STAP1: variants seen among roughly 807,000 people sequenced by gnomAD.
STAP1 encodes the protein signal transducing adaptor family member 1.
In STAP1, 30 loss-of-function variants were observed where a neutral mutation model predicts 37.8. That is an observed-to-expected ratio of 0.79 (90% CI 0.59 to 1.08). STAP1 has a LOEUF of 1.08. Among genes scored for constraint, STAP1 ranks in the 50% least tolerant of loss-of-function variants. The pLI is 0.00. For synonymous variants in STAP1, 130 were observed against 116.0 expected (o/e 1.12, Z -0.78); for missense variants, 357 against 349.4 (o/e 1.02, Z -0.17).
In STAP1 at chr4:67,566,240, G is replaced by A. The variant is rs530383742; in HGVS notation, c.121-4844G>A. Among the ~76,000 whole-genome samples the A allele has an allele frequency of 6.6e-5, 10 of 152,106 alleles. No homozygotes were observed. In the South Asian group the frequency reaches 1.9e-3, roughly 28 times the overall value. On this transcript the variant is annotated intron_variant, in intron 1 of 8. Transcript: ENST00000265404. ...TGCGACGACAGGCATGAGCCACCGCGCCTGGCCCTCTTCCCTCTTTTTTAC... is the reference window on the plus strand; with the variant it reads ...TGCGACGACAGGCATGAGCCACCGCACCTGGCCCTCTTCCCTCTTTTTTAC...
rs1727855942 is a variant in STAP1, at chr4:67,581,442, T to C, written c.501T>C (p.Asp167=). 6.2e-7 allele frequency: 1 copy of C among 1,613,594 alleles called. No individual in the cohort carries two copies. The highest frequency in any genetic ancestry group is 8.5e-7 in the Non-Finnish European group (1 of 1,179,786). Reference sequence around the variant, plus strand: ...AAAAAGAGAAGGAACCAACTGAAGATTATGTGGATGTACTGAACCCTATGC... The same window carrying C: ...AAAAAGAGAAGGAACCAACTGAAGACTATGTGGATGTACTGAACCCTATGC... ...SVEKEKEPTE[D]YVDVLNPMPA... Residue 167 remains aspartate, a synonymous_variant, in exon 5 of 9, where the codon GAT becomes GAC. Coordinates refer to ENST00000265404, the MANE Select transcript of STAP1 (RefSeq NM_012108.4).
intron 5 of STAP1, among the ~76,000 whole-genome samples, chr4:67,581,772 A>G (rs1727866589): frequency 6.6e-6 from 1 of 152,168 alleles, no homozygotes; most frequent in Non-Finnish European, 1.5e-5. Context: ...GCAGGAAAAG[A>G]TATTTTTTCA....
At chr4:67,600,383 T>A (rs1728313973) in intron 8 of STAP1, among the ~76,000 whole-genome samples, 1 of 151,364 alleles carries the variant, frequency 6.6e-6, no homozygotes, top group South Asian at 2.1e-4. Context: ...ATTACTTCAA[T>A]TTTTTTTTAA....
At chr4:67,605,442 A>G (rs938338683) in intron 8 of STAP1, among the ~76,000 whole-genome samples, 1 of 150,404 alleles carries the variant, frequency 6.6e-6, no homozygotes, top group Non-Finnish European at 1.5e-5. Flanking sequence ...CCAGATTGCT[A>G]TTGGTATATG....
intron 4 of STAP1, among the ~76,000 whole-genome samples, chr4:67,580,588 G>T (rs994895851): frequency 1.3e-5 from 2 of 152,124 alleles, no homozygotes; most frequent in Admixed American, 6.5e-5. Flanking sequence ...AGACTTGCTA[G>T]GGTCACGTAC....
chr4:67,590,320 C>T (rs894183068), intron 6 of STAP1, among the ~76,000 whole-genome samples: 2 of 152,098 alleles, frequency 1.3e-5, no homozygotes, highest in African/African-American at 2.4e-5. Flanking sequence ...TCTATATGTT[C>T]ATATAGTGCC....
At chr4:67,573,272 A>G (rs1444207678) in intron 2 of STAP1, among the ~76,000 whole-genome samples, 1 of 152,234 alleles carries the variant, frequency 6.6e-6, no homozygotes, top group Non-Finnish European at 1.5e-5. Flanking sequence ...AGAGGTGCTC[A>G]GGAGGCATGA....
rs1287058336 is a variant in STAP1 at position 67,606,599 on chromosome 4, T to C, written c.*242T>C. ...TAACCTGCAGATATACACATTCCCA[T>C]GCACTGACATAAGTTGAAAACACAT... is the stretch of plus-strand genomic sequence containing the variant. On this transcript the variant is annotated 3_prime_UTR_variant, in exon 9 of 9. Transcript: ENST00000265404. 11 of 360,400 alleles carry C rather than the reference T, an allele frequency of 3.1e-5. No homozygotes were observed. Among genetic ancestry groups the C allele is most frequent in the Non-Finnish European group, 4.0e-5 (8 of 201,904 alleles). The allele number at this position is 360,400 out of a possible 1,614,324, so 22.3% of individuals were successfully genotyped here.
chr4:67,581,173 T>C lies in STAP1; in HGVS notation c.364-132T>C, dbSNP rs1043041541. ...CTAGACTAAAATCCTCTGTTTCTTA[T>C]TCCCTTAGTCCCTACTCATTCACCT... On this transcript the variant is annotated intron_variant, in intron 4 of 8. Coordinates refer to ENST00000265404, the MANE Select transcript of STAP1 (RefSeq NM_012108.4). 15 of 801,578 alleles carry C rather than the reference T, an allele frequency of 1.9e-5. No individual in the cohort carries two copies. The Admixed American group carries it at 2.4e-4, about 13-fold the overall frequency. 49.7% of individuals were successfully genotyped at this position (801,578 alleles called of 1,614,324 possible).
At chr4:67,567,032 G>A (rs1727485476) in intron 1 of STAP1, among the ~76,000 whole-genome samples, 1 of 151,810 alleles carries the variant, frequency 6.6e-6, no homozygotes, top group African/African-American at 2.4e-5. Context: ...ATAAGAAAGT[G>A]GTAGAAAGAC....
rs1728456678 is a variant in STAP1, at chr4:67,606,702, T to G, written c.*345T>G. 1.7e-5 allele frequency: 3 copies of G among 171,858 alleles called. No homozygotes were observed. Among genetic ancestry groups the G allele is most frequent in the South Asian group, 4.0e-4 (2 of 5,016 alleles). 10.6% of individuals were successfully genotyped at this position (171,858 alleles called of 1,614,324 possible). A position where few individuals can be genotyped will look rare whatever the true frequency, so the allele number is the denominator to read the frequency against. On this transcript the variant is annotated 3_prime_UTR_variant, in exon 9 of 9. Coordinates refer to ENST00000265404, the MANE Select transcript of STAP1 (RefSeq NM_012108.4). ...CCTATATAATTCCAACAGCAGTTTC[T>G]CTAGTTCTAAATTTTACCAATTCCC...
chr4:67,583,122 C>T (rs1434876846), intron 5 of STAP1, among the ~76,000 whole-genome samples: 1 of 151,992 alleles, frequency 6.6e-6, no homozygotes, highest in Non-Finnish European at 1.5e-5. Context: ...ACATATTACA[C>T]CAAAATAAAT....
At position 67,571,169 on chromosome 4, in the gene STAP1, T is replaced by C. The variant is rs1436717063; in HGVS notation, c.192+14T>C. 1 of 1,535,400 alleles carries C rather than the reference T, an allele frequency of 6.5e-7. No individual in the cohort carries two copies. The highest frequency in any genetic ancestry group is 1.4e-5 in the African/African-American group (1 of 73,378). ...AAGAGTATAATAGTAAGTAAATATG[T>C]TGAGCTGATTCCATTGTTTCCCAAT... On this transcript the variant is annotated intron_variant, in intron 2 of 8. Transcript: ENST00000265404.
intron 5 of STAP1, 139 bp downstream of exon 5, chr4:67,581,610 A>C: frequency 1.1e-6 from 1 of 888,080 alleles, no homozygotes; most frequent in Non-Finnish European, 1.7e-6. Flanking sequence ...CTCTGCGTAC[A>C]TGCCATATTT....
At chr4:67,564,450 G>A (rs1727420685) in intron 1 of STAP1, among the ~76,000 whole-genome samples, 1 of 152,070 alleles carries the variant, frequency 6.6e-6, no homozygotes, top group Non-Finnish European at 1.5e-5. Flanking sequence ...TACATACAGA[G>A]GGAATTCAAT....
intron 2 of STAP1, among the ~76,000 whole-genome samples, chr4:67,573,785 TTACTC>T (rs542401282): frequency 8.7e-4 from 133 of 152,184 alleles, no homozygotes; most frequent in Non-Finnish European, 1.5e-3. Context: ...ATGTCCTACT[TTACTC>T]AGAAAAATAA....
In STAP1 at chr4:67,575,485, A is replaced by T; in HGVS notation, c.293A>T (p.Glu98Val). 1 of 1,609,850 alleles carries T rather than the reference A, an allele frequency of 6.2e-7. No homozygotes were observed. The highest frequency in any genetic ancestry group is 8.5e-7 in the Non-Finnish European group (1 of 1,178,172). Residue 98 changes from glutamate to valine, a missense_variant, in exon 3 of 9, where the codon GAA (glutamate) becomes GTA (valine). By Grantham distance (121) the Glu-to-Val change is moderately radical. Transcript: ENST00000265404. ...TTCACCCTTGTTTTGCCGAAAGAGG[A>T]AGTACAACTGAAGGTGAGCGAGGAG... Reference protein sequence around the residue: ...AKFTLVLPKEEVQLKTENTES... With the variant: ...AKFTLVLPKEVVQLKTENTES...
chr4:67,567,256 T>A (rs1243070641), intron 1 of STAP1, among the ~76,000 whole-genome samples: 1 of 152,240 alleles, frequency 6.6e-6, no homozygotes, highest in Non-Finnish European at 1.5e-5. Context: ...GGACCATTTA[T>A]TGGCTGATCC....
chr4:67,561,893 G>T (rs574864527), intron 1 of STAP1, among the ~76,000 whole-genome samples: 3 of 151,830 alleles, frequency 2.0e-5, no homozygotes, highest in Non-Finnish European at 2.9e-5. Flanking sequence ...TCAACATGGC[G>T]AAACCCCGTC....
Sources: allele counts gnomAD v4.1 joint callset (sites outside exome capture counted in the v4.1 genomes callset), GRCh38; gene constraint gnomAD v4.1.1; transcripts MANE v1.5; gene names NCBI Gene and HGNC (gene_info 2026-07-23, HGNC 2026-07-21).